Variants in PDGFD observed in about 807,000 individuals in gnomAD.
PDGFD encodes the protein platelet derived growth factor D.
Under a neutral mutation model 44.7 loss-of-function variants are expected in PDGFD, and 30 were observed. That is an observed-to-expected ratio of 0.67 (90% CI 0.50 to 0.91). The LOEUF is 0.91. Among genes scored for constraint, PDGFD ranks in the 40% least tolerant of loss-of-function variants. PDGFD has a pLI of 0.00. For synonymous variants in PDGFD, 173 were observed against 168.4 expected, an observed-to-expected ratio of 1.03 and a Z score of -0.21; for missense variants, 445 against 457.8, an observed-to-expected ratio of 0.97 and a Z score of 0.25.
At chr11:104,163,696 C>T in intron 1 of PDGFD, 108 bp downstream of exon 1, 2 of 1,320,856 alleles carry the variant, frequency 1.5e-6, no homozygotes, top group South Asian at 1.8e-5. Flanking sequence ...TGCATTCAGC[C>T]CGAGTTCACA....
At chr11:104,028,122 G>A (rs1318884874) in intron 1 of PDGFD, among the ~76,000 whole-genome samples, 1 of 150,942 alleles carries the variant, frequency 6.6e-6, no homozygotes, top group Non-Finnish European at 1.5e-5. Context: ...CCTGGGAGGC[G>A]GAGCTTGTAG....
chr11:104,097,261 A>G (rs1044305336), intron 1 of PDGFD, among the ~76,000 whole-genome samples: 2 of 152,196 alleles, frequency 1.3e-5, no homozygotes, highest in Non-Finnish European at 2.9e-5. Context: ...TGGGACATTT[A>G]TTAGGGTGTT....
chr11:103,961,422 G>C (rs1304580767), intron 3 of PDGFD, among the ~76,000 whole-genome samples: 1 of 152,160 alleles, frequency 6.6e-6, no homozygotes, highest in Non-Finnish European at 1.5e-5. Flanking sequence ...CTGGAGGAAG[G>C]TCTCAGAAGA....
At chr11:104,102,579 T>C (rs1861404932) in intron 1 of PDGFD, among the ~76,000 whole-genome samples, 1 of 152,212 alleles carries the variant, frequency 6.6e-6, no homozygotes, top group Non-Finnish European at 1.5e-5. Context: ...CATTACTGGA[T>C]ATATACTCAA....
chr11:104,110,452 A>G (rs1296212935), intron 1 of PDGFD, among the ~76,000 whole-genome samples: 2 of 151,716 alleles, frequency 1.3e-5, no homozygotes, highest in African/African-American at 4.8e-5. Flanking sequence ...CTGTTTCTTA[A>G]TACTATTTTA....
chr11:104,160,369 A>G (rs1336161611), intron 1 of PDGFD, among the ~76,000 whole-genome samples: 1 of 152,236 alleles, frequency 6.6e-6, no homozygotes, highest in Non-Finnish European at 1.5e-5. Flanking sequence ...TAAAGCCCCT[A>G]GGCAGGAAGT....
chr11:103,972,634 C>T (rs543320097), intron 3 of PDGFD, among the ~76,000 whole-genome samples: 19 of 152,136 alleles, frequency 1.2e-4, no homozygotes, highest in Non-Finnish European at 1.9e-4. Flanking sequence ...CCAGATGAGA[C>T]ACACTGTTCC....
At chr11:104,014,198 A>T (rs1231998705) in intron 1 of PDGFD, among the ~76,000 whole-genome samples, 1 of 152,194 alleles carries the variant, frequency 6.6e-6, no homozygotes, top group African/African-American at 2.4e-5. Flanking sequence ...TGCTTCCTTC[A>T]TGCCTATTCC....
At chr11:104,028,316 C>T (rs1258403621) in intron 1 of PDGFD, among the ~76,000 whole-genome samples, 1 of 151,472 alleles carries the variant, frequency 6.6e-6, no homozygotes, top group Non-Finnish European at 1.5e-5. Context: ...TCTTACCTAA[C>T]ACTAATACAG....
intron 1 of PDGFD, among the ~76,000 whole-genome samples, chr11:104,052,908 T>A (rs1305161764): frequency 8.4e-6 from 1 of 119,290 alleles, no homozygotes; most frequent in Non-Finnish European, 1.7e-5. Flanking sequence ...CTCTGTAGGA[T>A]TTTTATTCTG....
intron 1 of PDGFD, among the ~76,000 whole-genome samples, chr11:104,134,545 G>T (rs1359072292): frequency 2.6e-5 from 4 of 152,158 alleles, no homozygotes. Flanking sequence ...GTGGTACCCA[G>T]TCCATAGGAC....
At chr11:103,936,819 GTTTGTTT>G (rs1008597446) in intron 5 of PDGFD, among the ~76,000 whole-genome samples, 14 of 143,864 alleles carry the variant, frequency 9.7e-5, no homozygotes, top group African/African-American at 3.2e-4. Context: ...TTTTTTGTTT[GTTTGTTT>G]TTTGTTTTTT....
intron 6 of PDGFD, among the ~76,000 whole-genome samples, chr11:103,924,604 T>C (rs1243381664): frequency 6.6e-6 from 1 of 152,196 alleles, no homozygotes; most frequent in East Asian, 1.9e-4. Flanking sequence ...TTTCCTACAT[T>C]TTCCAAGTTG....
chr11:103,936,820 T>C (rs972923866), intron 5 of PDGFD, among the ~76,000 whole-genome samples: 3 of 140,648 alleles, frequency 2.1e-5, no homozygotes, highest in Non-Finnish European at 4.4e-5. Flanking sequence ...TTTTTGTTTG[T>C]TTGTTTTTTG....
At chr11:104,115,035 A>T (rs1251347570) in intron 1 of PDGFD, among the ~76,000 whole-genome samples, 2 of 151,608 alleles carry the variant, frequency 1.3e-5, no homozygotes, top group Non-Finnish European at 2.9e-5. Context: ...GTAGTCTTTT[A>T]TCCCACACCC....
At chr11:104,121,832 T>C (rs554131142) in intron 1 of PDGFD, among the ~76,000 whole-genome samples, 2 of 152,214 alleles carry the variant, frequency 1.3e-5, no homozygotes, top group African/African-American at 2.4e-5. Flanking sequence ...GCTCCAAATA[T>C]GTACCAAATA....
intron 1 of PDGFD, among the ~76,000 whole-genome samples, chr11:104,007,817 T>A (rs1049288637): frequency 6.6e-6 from 1 of 152,230 alleles, no homozygotes; most frequent in South Asian, 2.1e-4. Context: ...ATAGTCCCAC[T>A]TCTGTTGCTA....
chr11:104,037,386 G>A lies in PDGFD; in HGVS notation c.125-37131C>T, dbSNP rs144291915. ...CTCAGGTGCTGATGGAGCAGCAAAG[G>A]GAAAAGGCCTTGAGAGAGCAAGAGA... On this transcript the variant is annotated intron_variant, in intron 1 of 6. Transcript: ENST00000393158. The A allele has an allele frequency of 1.3e-4, 207 of 1,614,110 alleles. 1 individual carries two copies. The African/African-American group carries it at 2.5e-3, about 20-fold the overall frequency.
chr11:103,909,743 T>C lies in PDGFD; in HGVS notation c.1064A>G (p.Asp355Gly), dbSNP rs199924326. The change falls in exon 7 of 7, where the codon GAT (aspartate) becomes GGT (glycine). Residue 355 changes from aspartate to glycine, a missense_variant. Transcript: ENST00000393158. ...GATACAATCACATCGTTCATGGTGA[T>C]CCAACTGGATGTCAACTAGAGCCAT... Reference protein sequence around the residue: ...KTMALVDIQLDHHERCDCICS... With the variant: ...KTMALVDIQLGHHERCDCICS... 9.9e-6 allele frequency: 16 copies of C among 1,613,954 alleles called. No homozygotes were observed. The highest frequency in any genetic ancestry group is 1.1e-5 in the Non-Finnish European group (13 of 1,179,914).
Sources: allele counts gnomAD v4.1 joint callset (sites outside exome capture counted in the v4.1 genomes callset), GRCh38; gene constraint gnomAD v4.1.1; transcripts MANE v1.5; gene names NCBI Gene and HGNC (gene_info 2026-07-23, HGNC 2026-07-21).